RPS6KA6: variants seen among roughly 807,000 people sequenced by gnomAD.
RPS6KA6 encodes the protein ribosomal protein S6 kinase alpha-6.
RPS6KA6 carries 27 observed loss-of-function variants against 65.4 expected under a neutral mutation model. The ratio of observed to expected loss-of-function variants is 0.41; its 90% CI spans 0.30 to 0.57. RPS6KA6 has a LOEUF of 0.57. Among genes scored for constraint, RPS6KA6 ranks in the 20% least tolerant of loss-of-function variants. The pLI, the probability that RPS6KA6 is intolerant of heterozygous loss-of-function variation, is 0.24. For missense variants in RPS6KA6, 486 were observed against 555.6 expected (o/e 0.87, Z 1.26); for synonymous variants, 190 against 184.2 (o/e 1.03, Z -0.26).
chrX:84,134,088 A>C (rs906805385), intron 8 of RPS6KA6, among the ~76,000 whole-genome samples: 7 of 112,146 alleles, frequency 6.2e-5, no homozygotes, highest in African/African-American at 1.3e-4. Context: ...TATTGAAAAC[A>C]CATGTAACGT....
rs1388311811 is a variant in RPS6KA6 at position 84,105,770 on chromosome X, G to A, written c.1455+17C>T. 2.0e-6 allele frequency: 2 copies of A among 986,944 alleles called. No individual in the cohort carries two copies. The highest frequency in any genetic ancestry group is 3.9e-5 in the African/African-American group (2 of 51,851). The allele number at this position is 986,944 out of a possible 1,213,427, so 81.3% of individuals were successfully genotyped here. On this transcript the variant is annotated intron_variant, in intron 16 of 21. Transcript: ENST00000262752. The stretch of plus-strand genomic sequence containing the variant: ...ACTTCATTAGCTTAGCTGATACCTA[G>A]ATTTAGAAATACCTACATCCTTCAA...
chrX:84,159,035 T>A (rs1366526370), intron 2 of RPS6KA6, among the ~76,000 whole-genome samples: 1 of 111,597 alleles, frequency 9.0e-6, no homozygotes, highest in Non-Finnish European at 1.9e-5. Context: ...CACAAATACA[T>A]ACACATATGT....
chrX:84,151,369 G>A (rs1053415407), intron 3 of RPS6KA6, among the ~76,000 whole-genome samples: 2 of 108,687 alleles, frequency 1.8e-5, no homozygotes, highest in Non-Finnish European at 3.8e-5. Context: ...AATAAGTATA[G>A]CTGCATCAAG....
At chrX:84,120,649 G>T (rs1325702506) in intron 8 of RPS6KA6, among the ~76,000 whole-genome samples, 1 of 111,234 alleles carries the variant, frequency 9.0e-6, no homozygotes, top group African/African-American at 3.3e-5. Flanking sequence ...ACTGATGAAA[G>T]AAATCAAAGT....
intron 6 of RPS6KA6, among the ~76,000 whole-genome samples, chrX:84,140,902 G>A (rs1168820137): frequency 9.2e-6 from 1 of 109,184 alleles, no homozygotes; most frequent in Non-Finnish European, 1.9e-5. Context: ...AAGTTAGAAT[G>A]AAAAGCCTCA....
intron 8 of RPS6KA6, among the ~76,000 whole-genome samples, chrX:84,129,102 A>T (rs946095353): frequency 9.0e-5 from 10 of 111,455 alleles, no homozygotes; most frequent in Non-Finnish European, 9.4e-5. Context: ...CCATCTGACA[A>T]GGGATTAGTA....
At chrX:84,184,718 G>A (rs1445898600) in intron 1 of RPS6KA6, among the ~76,000 whole-genome samples, 1 of 106,496 alleles carries the variant, frequency 9.4e-6, no homozygotes, top group Non-Finnish European at 1.9e-5. Context: ...AGGCATGGTT[G>A]TGAGCACCTG....
At chrX:84,091,279 A>G (rs2034039118) in intron 20 of RPS6KA6, among the ~76,000 whole-genome samples, 1 of 112,849 alleles carries the variant, frequency 8.9e-6, no homozygotes, top group Admixed American at 9.4e-5. Context: ...TATAAAATGT[A>G]TCAAAAACAC....
intron 2 of RPS6KA6, among the ~76,000 whole-genome samples, chrX:84,160,257 C>T (rs1706007702): frequency 9.0e-6 from 1 of 111,164 alleles, no homozygotes; most frequent in African/African-American, 3.3e-5. Flanking sequence ...AGTATGAAGG[C>T]TCAACCACAA....
intron 6 of RPS6KA6, among the ~76,000 whole-genome samples, chrX:84,138,271 T>C (rs928170276): frequency 1.8e-5 from 2 of 111,593 alleles, no homozygotes; most frequent in African/African-American, 6.5e-5. Flanking sequence ...CTATAATGTT[T>C]TGCTTATGCA....
chrX:84,152,846 G>T (rs1476299358), intron 3 of RPS6KA6, among the ~76,000 whole-genome samples: 1 of 111,175 alleles, frequency 9.0e-6, no homozygotes, highest in African/African-American at 3.3e-5. Flanking sequence ...TTGAGGATAG[G>T]GTGCTTAAAG....
intron 20 of RPS6KA6, among the ~76,000 whole-genome samples, chrX:84,074,456 G>C (rs1458669268): frequency 9.0e-6 from 1 of 111,287 alleles, no homozygotes; most frequent in African/African-American, 3.3e-5. Flanking sequence ...TTGCAGAGTA[G>C]AGTAAATATA....
At chrX:84,074,905 A>G (rs1381968499) in intron 20 of RPS6KA6, among the ~76,000 whole-genome samples, 1 of 111,569 alleles carries the variant, frequency 9.0e-6, no homozygotes, top group African/African-American at 3.3e-5. Flanking sequence ...TGTATTCCTG[A>G]TGTTCAGAAA....
At chrX:84,132,683 T>C (rs1386284674) in intron 8 of RPS6KA6, among the ~76,000 whole-genome samples, 1 of 108,446 alleles carries the variant, frequency 9.2e-6, no homozygotes, top group African/African-American at 3.3e-5. Flanking sequence ...TAATAATATA[T>C]AATATAAATA....
intron 3 of RPS6KA6, among the ~76,000 whole-genome samples, chrX:84,155,822 G>C (rs895670860): frequency 8.9e-6 from 1 of 112,364 alleles, no homozygotes; most frequent in Non-Finnish European, 1.9e-5. Flanking sequence ...AGCTAATAAA[G>C]AGTATGCTAT....
chrX:84,132,857 T>C (rs2034926086), intron 8 of RPS6KA6, among the ~76,000 whole-genome samples: 2 of 108,630 alleles, frequency 1.8e-5, no homozygotes, highest in South Asian at 7.9e-4. Context: ...GAGTAGCCTG[T>C]CATTCCAGAT....
At chrX:84,164,492 C>T in intron 1 of RPS6KA6, 105 bp from the exon 2 acceptor site, 1 of 519,567 alleles carries the variant, frequency 1.9e-6, no homozygotes, top group African/African-American at 2.4e-5. Flanking sequence ...TAACAAGATC[C>T]ACACTTACTG....
At chrX:84,098,107 G>C in intron 18 of RPS6KA6, among the ~76,000 whole-genome samples, 1 of 110,850 alleles carries the variant, frequency 9.0e-6, no homozygotes, top group Admixed American at 9.6e-5. Flanking sequence ...CAGTACTAAG[G>C]CTTTTAATTC....
intron 5 of RPS6KA6, among the ~76,000 whole-genome samples, chrX:84,146,486 A>C (rs2035202069): frequency 9.0e-6 from 1 of 111,140 alleles, no homozygotes; most frequent in Non-Finnish European, 1.9e-5. Context: ...GAAATGTCTA[A>C]CTCCAAAGCT....
Sources: gnomAD v4.1 joint callset for allele counts (sites outside exome capture counted in the v4.1 genomes callset) on GRCh38, gnomAD v4.1.1 for gene constraint, MANE v1.5 for transcripts, NCBI Gene and HGNC (gene_info 2026-07-23, HGNC 2026-07-21) for gene names.